The following BRDT variants were observed in gnomAD, a reference collection of about 807,000 sequenced individuals.
The protein encoded by BRDT is bromodomain testis associated.
In BRDT, 77 loss-of-function variants were observed where a neutral mutation model predicts 113.9. The observed-to-expected ratio is 0.68, with a 90% CI of 0.56 to 0.82. BRDT has a LOEUF of 0.82. Among genes scored for constraint, BRDT ranks in the 40% least tolerant of loss-of-function variants. The probability of loss-of-function intolerance (pLI) is 0.00; values close to 1 mark genes in which losing one functional copy is unlikely to be tolerated. For synonymous variants in BRDT, 358 were observed against 366.5 expected (o/e 0.98, Z 0.26); for missense variants, 1,027 against 1,105.4 (o/e 0.93, Z 1.01).
At chr1:92,007,622 TAGTC>T (rs1353389799) in intron 18 of BRDT, among the ~76,000 whole-genome samples, 3 of 152,224 alleles carry the variant, frequency 2.0e-5, no homozygotes, top group African/African-American at 4.8e-5. Flanking sequence ...TTCATTGACA[TAGTC>T]AGTAACTCTT....
intron 17 of BRDT, 143 bp downstream of exon 17, chr1:92,004,762 A>G: frequency 1.4e-6 from 1 of 720,034 alleles, no homozygotes; most frequent in Non-Finnish European, 2.2e-6. Flanking sequence ...AGTACATTTG[A>G]TACTTTTTCT....
rs374841922 is a variant in BRDT, at chr1:91,981,302, C to G, written c.1785C>G (p.His595Gln). The change falls in exon 11 of 19, where the codon CAC (histidine) becomes CAG (glutamine). Residue 595 changes from histidine (H) to glutamine (Q), a missense_variant. Transcript: ENST00000399546. ...KKIMMSKEEL[H>Q]SQKKQELEKR... ...TAATGATGTCCAAAGAAGAACTTCA[C>G]TCACAGAAAAAACAGGAATTGGAAA... The G allele has an allele frequency of 6.2e-7, 1 of 1,614,102 alleles. No individual in the cohort carries two copies.
chr1:91,958,044 T>C (rs1681988327), intron 1 of BRDT, among the ~76,000 whole-genome samples: 1 of 152,118 alleles, frequency 6.6e-6, no homozygotes, highest in Admixed American at 6.5e-5. Flanking sequence ...AGTCTCACCA[T>C]GTTGGCCAGG....
intron 18 of BRDT, among the ~76,000 whole-genome samples, chr1:92,013,921 C>T (rs1247021235): frequency 1.3e-5 from 2 of 152,138 alleles, no homozygotes; most frequent in Non-Finnish European, 2.9e-5. Flanking sequence ...CAACATTGAA[C>T]TTTCTCTTTT....
rs376158711 is a variant in BRDT at position 91,977,846 on chromosome 1, G to C, written c.970-322G>C. On this transcript the variant is annotated intron_variant, in intron 6 of 18. Coordinates refer to ENST00000399546, the MANE Select transcript of BRDT (RefSeq NM_207189.4). ...AGATCATCCACTGCACTCCAGGCTG[G>C]GTGACAGAGGGAAACTCTGTCTCAA... is the stretch of plus-strand genomic sequence containing the variant. Among the ~76,000 whole-genome samples, 7 of 152,004 alleles carry C rather than the reference G, an allele frequency of 4.6e-5. No homozygotes were observed. The East Asian group carries it at 1.2e-3, about 25-fold the overall frequency.
At position 92,010,427 on chromosome 1, in the gene BRDT, A is replaced by G. The variant is rs1395975368; in HGVS notation, c.2776-3779A>G. Among the ~76,000 whole-genome samples, 9 of 151,848 alleles carry G rather than the reference A, an allele frequency of 5.9e-5. No individual in the cohort carries two copies. The East Asian group carries it at 1.7e-3, about 29-fold the overall frequency. ...GTAGCTAGGACTGCAGGCACGTGCC[A>G]CCATGCCCAGCTAATTTTGTTTTTG... On this transcript the variant is annotated intron_variant, in intron 18 of 18. Transcript: ENST00000399546.
chr1:92,009,264 A>G (rs80349585), intron 18 of BRDT, among the ~76,000 whole-genome samples: 10,156 of 152,078 alleles, frequency 0.067, 394 homozygotes, highest in African/African-American at 0.096. Context: ...TGTCCTCTGG[A>G]TTCACCTATG....
At chr1:91,972,097 T>C (rs888667528) in intron 4 of BRDT, among the ~76,000 whole-genome samples, 6 of 152,108 alleles carry the variant, frequency 3.9e-5, no homozygotes, top group African/African-American at 1.2e-4. Context: ...AAAAACCTTT[T>C]GTCAGTCAGG....
intron 4 of BRDT, among the ~76,000 whole-genome samples, chr1:91,975,536 G>A (rs1258915999): frequency 6.6e-6 from 1 of 152,200 alleles, no homozygotes; most frequent in Non-Finnish European, 1.5e-5. Context: ...TTGGGCCAGA[G>A]TGAATGCCAC....
At chr1:91,968,602 T>A (rs1683306340) in intron 4 of BRDT, among the ~76,000 whole-genome samples, 1 of 152,168 alleles carries the variant, frequency 6.6e-6, no homozygotes, top group Non-Finnish European at 1.5e-5. Context: ...TTGCTAGTGC[T>A]CTCTGTATTA....
chr1:91,954,807 A>T (rs539151830), intron 1 of BRDT, among the ~76,000 whole-genome samples: 31 of 131,374 alleles, frequency 2.4e-4, no homozygotes, highest in South Asian at 2.2e-3. Context: ...TAAAAAAATT[A>T]AAAAAATTAG....
chr1:91,956,885 G>A (rs1216001275), intron 1 of BRDT, among the ~76,000 whole-genome samples: 1 of 152,178 alleles, frequency 6.6e-6, no homozygotes, highest in Non-Finnish European at 1.5e-5. Context: ...ATTGCAGTGA[G>A]CCATGATTGA....
intron 1 of BRDT, among the ~76,000 whole-genome samples, chr1:91,955,601 G>T (rs1243641663): frequency 1.3e-5 from 2 of 152,168 alleles, no homozygotes; most frequent in Non-Finnish European, 2.9e-5. Flanking sequence ...GTCTAGCATA[G>T]AAATTTGCAA....
chr1:91,985,352 G>A (rs1409615041), intron 12 of BRDT, among the ~76,000 whole-genome samples: 3 of 151,956 alleles, frequency 2.0e-5, no homozygotes, highest in Non-Finnish European at 2.9e-5. Context: ...GAGCCACCGC[G>A]CCTGGCAATT....
chr1:92,002,014 T>C, intron 15 of BRDT, 35 bp from the exon 16 acceptor site: 1 of 1,450,128 alleles, frequency 6.9e-7, no homozygotes, highest in Non-Finnish European at 9.6e-7. Flanking sequence ...GATGAAATAT[T>C]TTAATTATAC....
intron 4 of BRDT, among the ~76,000 whole-genome samples, chr1:91,970,757 A>C (rs2101620043): frequency 6.6e-6 from 1 of 152,090 alleles, no homozygotes; most frequent in South Asian, 2.1e-4. Context: ...AAAAATTTGA[A>C]ACTTTGCCAG....
intron 18 of BRDT, among the ~76,000 whole-genome samples, chr1:92,009,743 AT>A (rs1373682014): frequency 7.4e-5 from 11 of 149,268 alleles, no homozygotes; most frequent in Admixed American, 1.3e-4. Context: ...TTATTTATTT[AT>A]TTTTTTTGTA....
chr1:91,962,451 A>G (rs1286458874), intron 1 of BRDT, among the ~76,000 whole-genome samples: 1 of 151,734 alleles, frequency 6.6e-6, no homozygotes, highest in Non-Finnish European at 1.5e-5. Flanking sequence ...CTCCCTCCTC[A>G]CCCTCCTAAG....
In BRDT at chr1:91,988,498, T is replaced by C. The variant is rs1308940098; in HGVS notation, c.2003-2686T>C. Among the ~76,000 whole-genome samples the C allele has an allele frequency of 2.6e-5, 4 of 152,234 alleles. No individual in the cohort carries two copies. In the East Asian group the frequency reaches 5.8e-4, roughly 22 times the overall value. ...TCACTGAAACCTCTGCCTCCCAGGT[T>C]CAAGTGATTCTTGTGCCTCAGCCTC... On this transcript the variant is annotated intron_variant, in intron 12 of 18. Transcript: ENST00000399546.
Sources: allele counts gnomAD v4.1 joint callset (sites outside exome capture counted in the v4.1 genomes callset), GRCh38; gene constraint gnomAD v4.1.1; transcripts MANE v1.5; gene names NCBI Gene and HGNC (gene_info 2026-07-23, HGNC 2026-07-21).